The following LRP1B variants were observed in gnomAD, a reference collection of about 807,000 sequenced individuals.
LRP1B encodes the protein LDL receptor related protein 1B.
LRP1B carries 217 observed loss-of-function variants against 556.6 expected under a neutral mutation model. The ratio of observed to expected loss-of-function variants is 0.39; its 90% confidence interval spans 0.35 to 0.44. The LOEUF is 0.44. LRP1B is among the 20% of genes least tolerant of loss of function. LRP1B has a pLI of 1.00. For missense variants in LRP1B, 5,053 were observed against 5,620.8 expected, an observed-to-expected ratio of 0.90 and a Z score of 3.23; for synonymous variants, 2,047 against 1,865.8, an observed-to-expected ratio of 1.10 and a Z score of -2.50.
intron 3 of LRP1B, among the ~76,000 whole-genome samples, chr2:141,294,942 T>G (rs866590370): frequency 2.0e-5 from 3 of 152,206 alleles, no homozygotes; most frequent in African/African-American, 7.2e-5. Flanking sequence ...GTAATAATAA[T>G]TTGTCAAATA....
At chr2:141,448,810 C>G (rs573962802) in intron 3 of LRP1B, among the ~76,000 whole-genome samples, 1 of 152,318 alleles carries the variant, frequency 6.6e-6, no homozygotes, top group South Asian at 2.1e-4. Flanking sequence ...GTTCATCTTG[C>G]TGGGAGCTGC....
At chr2:140,590,341 G>GTA (rs544951420) in intron 43 of LRP1B, among the ~76,000 whole-genome samples, 27,099 of 146,220 alleles carry the variant, frequency 0.19, 3,162 homozygotes, top group South Asian at 0.26. Flanking sequence ...AAATGTGTGT[G>GTA]TGTATATATA....
At chr2:140,924,644 C>T (rs1354207667) in intron 20 of LRP1B, among the ~76,000 whole-genome samples, 1 of 151,992 alleles carries the variant, frequency 6.6e-6, no homozygotes, top group East Asian at 1.9e-4. Flanking sequence ...CAAAAGTGAC[C>T]ACTGCTAAGA....
intron 2 of LRP1B, among the ~76,000 whole-genome samples, chr2:141,767,046 A>G (rs1574337720): frequency 6.6e-6 from 1 of 152,140 alleles, no homozygotes; most frequent in East Asian, 1.9e-4. Flanking sequence ...CCTAAAAGAA[A>G]ATAATGGACA....
chr2:140,413,551 A>G (rs1218161828), intron 66 of LRP1B, among the ~76,000 whole-genome samples: 1 of 152,232 alleles, frequency 6.6e-6, no homozygotes, highest in Admixed American at 6.5e-5. Flanking sequence ...ATTCTAAACT[A>G]AAAACATTTA....
intron 1 of LRP1B, among the ~76,000 whole-genome samples, chr2:141,915,060 G>A (rs1449229594): frequency 1.3e-5 from 2 of 152,032 alleles, no homozygotes; most frequent in Admixed American, 6.6e-5. Flanking sequence ...CAAGCAAAAA[G>A]AACAAAATCA....
intron 3 of LRP1B, among the ~76,000 whole-genome samples, chr2:141,345,952 C>T (rs533294988): frequency 1.3e-5 from 2 of 152,040 alleles, no homozygotes; most frequent in South Asian, 4.1e-4. Context: ...TGCTTTCCAA[C>T]CCCCAGTTTG....
intron 84 of LRP1B, among the ~76,000 whole-genome samples, chr2:140,293,548 C>T (rs1304620349): frequency 6.6e-6 from 1 of 152,056 alleles, no homozygotes; most frequent in Non-Finnish European, 1.5e-5. Context: ...TGATGTTTTC[C>T]CTCCCACTAA....
intron 2 of LRP1B, among the ~76,000 whole-genome samples, chr2:141,737,589 G>C (rs1693533119): frequency 1.3e-5 from 2 of 152,142 alleles, no homozygotes; most frequent in Non-Finnish European, 2.9e-5. Context: ...AATTATGTCA[G>C]CTCAGATTGA....
At chr2:142,040,194 T>A (rs1335109442) in intron 1 of LRP1B, among the ~76,000 whole-genome samples, 3 of 151,374 alleles carry the variant, frequency 2.0e-5, no homozygotes, top group African/African-American at 7.3e-5. Context: ...TGACTTAATT[T>A]TTTTTAATGC....
Position 140,352,186 on chromosome 2 carries a change from C to G in LRP1B, c.11650+767G>C, listed in dbSNP as rs545722743. On this transcript the variant is annotated intron_variant, in intron 76 of 90. Coordinates refer to ENST00000389484, the MANE Select transcript of LRP1B (RefSeq NM_018557.3). ...AATCTTTTTTTGTTTGTTTGTTTTT[C>G]TTTTTTTGAGATGGAGTCTTGCTCT... is the stretch of plus-strand genomic sequence containing the variant. Among the ~76,000 whole-genome samples the G allele has an allele frequency of 2.6e-5, 4 of 151,808 alleles. No individual in the cohort carries two copies. In the South Asian group the frequency reaches 8.3e-4, roughly 32 times the overall value.
At chr2:140,362,302 G>A (rs1682549896) in intron 72 of LRP1B, among the ~76,000 whole-genome samples, 1 of 151,518 alleles carries the variant, frequency 6.6e-6, no homozygotes, top group African/African-American at 2.4e-5. Flanking sequence ...AGGTATCTCT[G>A]CTGTCTCTAG....
chr2:142,022,145 A>G (rs1012679355), intron 1 of LRP1B, among the ~76,000 whole-genome samples: 10 of 152,144 alleles, frequency 6.6e-5, no homozygotes, highest in African/African-American at 2.4e-4. Flanking sequence ...AGAGTTCACT[A>G]GGCAGTTCAT....
chr2:141,443,945 GT>G (rs202215154), intron 3 of LRP1B, among the ~76,000 whole-genome samples: 3,197 of 151,428 alleles, frequency 0.021, 70 homozygotes, highest in East Asian at 0.093. Flanking sequence ...ATTTAAAGTA[GT>G]TTTTTTTTCT....
chr2:141,952,705 T>G (rs1192981406), intron 1 of LRP1B, among the ~76,000 whole-genome samples: 1 of 152,164 alleles, frequency 6.6e-6, no homozygotes, highest in East Asian at 1.9e-4. Context: ...TCTTAAAAGG[T>G]ACCACTATAA....
chr2:140,450,788 A>G (rs192736815), intron 62 of LRP1B, 127 bp from the exon 63 acceptor site: 4 of 622,636 alleles, frequency 6.4e-6, no homozygotes, highest in Non-Finnish European at 1.1e-5. Context: ...TGATTTTGGA[A>G]AATTCCACAA....
intron 1 of LRP1B, among the ~76,000 whole-genome samples, chr2:142,127,367 AATCCATCCATCCATCCATCC>A: frequency 6.7e-6 from 1 of 150,134 alleles, no homozygotes; most frequent in East Asian, 1.9e-4. Context: ...TGTATGGCAG[AATCCATCCATCCATCCATCC>A]ATCCATCCAT....
Position 141,206,834 on chromosome 2 carries a change from A to G in LRP1B, c.851-18251T>C, listed in dbSNP as rs544468810. Among the ~76,000 whole-genome samples the G allele has an allele frequency of 1.1e-4, 17 of 152,262 alleles. No individual in the cohort carries two copies. The South Asian group carries it at 1.2e-3, about 11-fold the overall frequency. ...CTTCCTGCTAATTTTAACTTTTTCAACTGGCAAGCATGATTGTTGGTAGTA... is the reference window on the plus strand; with the variant it reads ...CTTCCTGCTAATTTTAACTTTTTCAGCTGGCAAGCATGATTGTTGGTAGTA... On this transcript the variant is annotated intron_variant, in intron 6 of 90. Transcript: ENST00000389484.
At chr2:140,872,051 G>GT (rs70991111) in intron 25 of LRP1B, among the ~76,000 whole-genome samples, 80,458 of 123,900 alleles carry the variant, frequency 0.65, 26,572 homozygotes, top group Middle Eastern at 0.78. Context: ...AGTCCTTCAT[G>GT]TTTTTTTTTT....
Sources: allele counts gnomAD v4.1 joint callset (sites outside exome capture counted in the v4.1 genomes callset), GRCh38; gene constraint gnomAD v4.1.1; transcripts MANE v1.5; gene names NCBI Gene and HGNC (gene_info 2026-07-23, HGNC 2026-07-21).